Variants in CAMKMT observed in about 807,000 individuals in gnomAD.
CAMKMT encodes the protein CaM KMT.
In CAMKMT, 53 loss-of-function variants were observed where a neutral mutation model predicts 48.0. That is an observed-to-expected ratio of 1.10 (90% CI 0.89 to 1.39). The LOEUF (loss-of-function observed/expected upper bound fraction) is 1.39, where lower values mean the gene tolerates loss of function less well. CAMKMT is among the 40% of genes most tolerant of loss of function. CAMKMT has a pLI of 0.00. For synonymous variants in CAMKMT, 165 were observed against 152.3 expected, an observed-to-expected ratio of 1.08 and a Z score of -0.61; for missense variants, 428 against 402.7, an observed-to-expected ratio of 1.06 and a Z score of -0.54.
At chr2:44,737,816 A>C (rs907632532) in intron 7 of CAMKMT, among the ~76,000 whole-genome samples, 1 of 148,208 alleles carries the variant, frequency 6.7e-6, no homozygotes, top group Admixed American at 6.7e-5. Flanking sequence ...TATCCTGGGA[A>C]CTCTGAAGTT....
At chr2:44,668,552 A>G (rs1221004249) in intron 3 of CAMKMT, among the ~76,000 whole-genome samples, 2 of 152,152 alleles carry the variant, frequency 1.3e-5, no homozygotes, top group Non-Finnish European at 2.9e-5. Context: ...TCTTTTTCAT[A>G]GCAAAGTACC....
rs1254973413 is a variant in CAMKMT, at chr2:44,657,878, A to G, written c.377-46405A>G. 6.6e-6 allele frequency among the ~76,000 whole-genome samples: 1 copy of G among 152,154 alleles called. No homozygotes were observed. The highest frequency in any genetic ancestry group is 1.9e-4 in the East Asian group (1 of 5,202). On this transcript the variant is annotated intron_variant, in intron 3 of 10. Transcript: ENST00000378494. This position sits in a 1 kb window ranked among gnomAD's most constrained non-coding sequence, Gnocchi z 4.3. ...ATGGCATACTTAACGTTTATCTAACATCTTAGGTGTTCATTTCAAAATTCA... is the reference window on the plus strand; with the variant it reads ...ATGGCATACTTAACGTTTATCTAACGTCTTAGGTGTTCATTTCAAAATTCA...
In CAMKMT at chr2:44,772,229, G is replaced by T; in HGVS notation, c.*116G>T. 2.5e-6 allele frequency: 2 copies of T among 803,330 alleles called. No individual in the cohort carries two copies. 49.8% of individuals were successfully genotyped at this position (803,330 alleles called of 1,614,324 possible). A position where few individuals can be genotyped will look rare whatever the true frequency, so the allele number is the denominator to read the frequency against. ...GCCTGCGCCCTTTGCAGCATTTCAC[G>T]TGTGGGCTATGGACTCCACCTGTCC... On this transcript the variant is annotated 3_prime_UTR_variant, in exon 11 of 11. Coordinates refer to ENST00000378494, the MANE Select transcript of CAMKMT (RefSeq NM_024766.5).
rs114035028 is a variant in CAMKMT, at chr2:44,732,152, C to T, written c.624-11470C>T. Among the ~76,000 whole-genome samples, 497 of 152,232 alleles carry T rather than the reference C, an allele frequency of 3.3e-3. 1 individual carries two copies. Among genetic ancestry groups the T allele is most frequent in the African/African-American group, 0.011 (474 of 41,538 alleles). ...TTTTTTTGTAGAGACAGGGGTCTCA[C>T]TATGTTGCTTAGGCTGGTCTCAAAC... On this transcript the variant is annotated intron_variant, in intron 7 of 10. Transcript: ENST00000378494.
At chr2:44,432,453 C>A (rs184778873) in intron 3 of CAMKMT, among the ~76,000 whole-genome samples, 9 of 152,274 alleles carry the variant, frequency 5.9e-5, no homozygotes, top group Non-Finnish European at 1.0e-4. Flanking sequence ...AAAAGCAATG[C>A]CCCTGGGTCT....
At chr2:44,364,573 A>T (rs185061212) in intron 1 of CAMKMT, among the ~76,000 whole-genome samples, 1 of 152,132 alleles carries the variant, frequency 6.6e-6, no homozygotes, top group African/African-American at 2.4e-5. Context: ...TTTTTAGTAG[A>T]TGTTGTTCAG....
chr2:44,427,427 A>G (rs1006602952), intron 3 of CAMKMT, among the ~76,000 whole-genome samples: 6 of 152,262 alleles, frequency 3.9e-5, no homozygotes, highest in Admixed American at 3.9e-4. Flanking sequence ...ACTAGTATCC[A>G]GAATCTATAA....
intron 3 of CAMKMT, among the ~76,000 whole-genome samples, chr2:44,584,211 T>C (rs555791875): frequency 3.9e-4 from 59 of 152,382 alleles, no homozygotes; most frequent in Non-Finnish European, 7.8e-4. Context: ...TTATTATTAC[T>C]GATTAGCATT....
intron 3 of CAMKMT, among the ~76,000 whole-genome samples, chr2:44,431,729 G>A (rs1684661500): frequency 6.6e-6 from 1 of 152,090 alleles, no homozygotes; most frequent in Admixed American, 6.6e-5. Flanking sequence ...GAGATACTGG[G>A]GTTTTAGGCT....
chr2:44,412,296 G>A lies in CAMKMT; in HGVS notation c.376+21991G>A, dbSNP rs148878318. On this transcript the variant is annotated intron_variant, in intron 3 of 10. Transcript: ENST00000378494. ...GGCTAGCATATCTTTGACACAAATT[G>A]TTTTTGGGCCATTATAATGTTTGTT... is the stretch of plus-strand genomic sequence containing the variant. Among the ~76,000 whole-genome samples, 169 of 152,028 alleles carry A rather than the reference G, an allele frequency of 1.1e-3. 2 individuals carry two copies. The highest frequency in any genetic ancestry group is 3.8e-3 in the African/African-American group (158 of 41,438).
intron 3 of CAMKMT, among the ~76,000 whole-genome samples, chr2:44,531,417 C>T (rs1461654260): frequency 6.6e-6 from 1 of 152,036 alleles, no homozygotes; most frequent in Admixed American, 6.5e-5. Context: ...TTTGTAAAAT[C>T]CAGCTGTTTT....
chr2:44,389,508 G>C (rs1207986400), intron 2 of CAMKMT, among the ~76,000 whole-genome samples: 1 of 152,088 alleles, frequency 6.6e-6, no homozygotes, highest in Non-Finnish European at 1.5e-5. Context: ...AACTTCAGCT[G>C]TAAATTATAT....
chr2:44,369,180 G>A (rs573346744), intron 1 of CAMKMT, among the ~76,000 whole-genome samples: 1 of 152,174 alleles, frequency 6.6e-6, no homozygotes, highest in South Asian at 2.1e-4. Context: ...CACCATGCCT[G>A]AACAAGACCC....
rs113488287 is a variant in CAMKMT at position 44,522,066 on chromosome 2, C to G, written c.376+131761C>G. 4.5e-3 allele frequency among the ~76,000 whole-genome samples: 683 copies of G among 151,186 alleles called. 4 individuals carry two copies. Among genetic ancestry groups the G allele is most frequent in the African/African-American group, 0.016 (656 of 41,156 alleles). ...GTCACCAGGCTGGAGTGCAGTGGCA[C>G]AATCTCAGCTCACTGCAGCCTGCCC... On this transcript the variant is annotated intron_variant, in intron 3 of 10. Coordinates refer to ENST00000378494, the MANE Select transcript of CAMKMT (RefSeq NM_024766.5).
intron 3 of CAMKMT, among the ~76,000 whole-genome samples, chr2:44,428,518 G>T (rs933185292): frequency 2.0e-5 from 3 of 152,142 alleles, no homozygotes; most frequent in African/African-American, 7.2e-5. Context: ...ATTTAGGGCC[G>T]CAGGTCCAGG....
chr2:44,420,837 TC>T lies in CAMKMT; in HGVS notation c.376+30538del, dbSNP rs1445162273. Among the ~76,000 whole-genome samples, 184 of 151,248 alleles carry T rather than the reference TC, an allele frequency of 1.2e-3. 3 individuals carry two copies. Among genetic ancestry groups the T allele is most frequent in the Non-Finnish European group, 2.2e-4 (15 of 67,510 alleles). ...CTAGCAGAAGCTTACTTTTTTTTTTTCCCCCCTTGGGTAATTTTTTTTAATT... is the reference window on the plus strand; with the variant it reads ...CTAGCAGAAGCTTACTTTTTTTTTTTCCCCCTTGGGTAATTTTTTTTAATT... On this transcript the variant is annotated intron_variant, in intron 3 of 10. Transcript: ENST00000378494.
chr2:44,452,933 T>C (rs953480812), intron 3 of CAMKMT, among the ~76,000 whole-genome samples: 1 of 152,056 alleles, frequency 6.6e-6, no homozygotes, highest in African/African-American at 2.4e-5. Context: ...TTTATGTGTC[T>C]TTTTATAGTT....
chr2:44,597,986 C>T (rs1032810046), intron 3 of CAMKMT, among the ~76,000 whole-genome samples: 5 of 152,086 alleles, frequency 3.3e-5, no homozygotes, highest in African/African-American at 4.8e-5. Context: ...CCACCTGCCT[C>T]GGCCTCCCAA....
At chr2:44,372,444 G>A (rs894335338) in intron 1 of CAMKMT, among the ~76,000 whole-genome samples, 8 of 148,710 alleles carry the variant, frequency 5.4e-5, no homozygotes, top group Non-Finnish European at 7.4e-5. Context: ...GTGAGGCTGC[G>A]TGACAAAGTA....
Sources: allele counts gnomAD v4.1 joint callset (sites outside exome capture counted in the v4.1 genomes callset), GRCh38; gene constraint gnomAD v4.1.1; non-coding constraint Gnocchi (gnomAD v3.1); transcripts MANE v1.5; gene names NCBI Gene and HGNC (gene_info 2026-07-23, HGNC 2026-07-21).